The following ASPH variants were observed in gnomAD, a reference collection of about 807,000 sequenced individuals.
The protein encoded by ASPH is aspartate beta-hydroxylase, also known as aspartyl/asparaginyl beta-hydroxylase.
In ASPH, 100 loss-of-function variants were observed where a neutral mutation model predicts 118.4. The ratio of observed to expected loss-of-function variants is 0.84; its 90% CI spans 0.72 to 1.00. The LOEUF is 1.00. Among genes scored for constraint, ASPH ranks in the 50% least tolerant of loss-of-function variants. The pLI, the probability that ASPH is intolerant of heterozygous loss-of-function variation, is 0.00. For missense variants in ASPH, 920 were observed against 919.5 expected (o/e 1.00, Z -0.01); for synonymous variants, 315 against 325.6 (o/e 0.97, Z 0.35).
At chr8:61,508,455 A>G (rs1025041622) in intron 24 of ASPH, among the ~76,000 whole-genome samples, 2 of 152,346 alleles carry the variant, frequency 1.3e-5, no homozygotes, top group African/African-American at 4.8e-5. Context: ...AAATAATGAT[A>G]ATGATAAAAT....
At position 61,653,593 on chromosome 8, in the gene ASPH, G is replaced by A. The variant is rs575705988; in HGVS notation, c.390C>T (p.Pro130=). Residue 130 remains proline, a synonymous_variant, in exon 4 of 25, where the codon CCC becomes CCT. Transcript: ENST00000379454. Reference sequence around the variant, plus strand: ...CTGCCTCCACAGGAACCTGCTCCTCGGGCTCAGTGTGTGGCTCAGCCTCTT... The same window carrying A: ...CTGCCTCCACAGGAACCTGCTCCTCAGGCTCAGTGTGTGGCTCAGCCTCTT... ...PPEEAEPHTE[P]EEQVPVEAEP... The A allele has an allele frequency of 9.0e-5, 146 of 1,613,866 alleles. No individual in the cohort carries two copies. The highest frequency in any genetic ancestry group is 1.2e-4 in the African/African-American group (9 of 75,008).
chr8:61,587,379 A>G (rs181817746), intron 14 of ASPH, among the ~76,000 whole-genome samples: 75 of 152,290 alleles, frequency 4.9e-4, no homozygotes, highest in African/African-American at 1.8e-3. Context: ...ATGTCTCCCA[A>G]TTGTTCATTT....
At chr8:61,529,875 G>A (rs1195295864) in intron 21 of ASPH, among the ~76,000 whole-genome samples, 1 of 152,070 alleles carries the variant, frequency 6.6e-6, no homozygotes, top group East Asian at 1.9e-4. Context: ...CTTTTGTAAG[G>A]GCACTAATCT....
At chr8:61,534,801 C>A (rs183856815) in intron 21 of ASPH, among the ~76,000 whole-genome samples, 1 of 152,224 alleles carries the variant, frequency 6.6e-6, no homozygotes. Context: ...ACGGGATTTA[C>A]GAAGGAAAGT....
intron 3 of ASPH, among the ~76,000 whole-genome samples, chr8:61,666,242 G>A (rs967064860): frequency 1.3e-5 from 2 of 152,090 alleles, no homozygotes; most frequent in African/African-American, 4.8e-5. Context: ...ATGTTTCCCT[G>A]TTAATTCATG....
At chr8:61,626,475 C>G (rs1047089339) in intron 13 of ASPH, among the ~76,000 whole-genome samples, 1 of 152,024 alleles carries the variant, frequency 6.6e-6, no homozygotes, top group African/African-American at 2.4e-5. Flanking sequence ...TGCAAAGCTG[C>G]TGATGAAAAT....
At chr8:61,546,783 TATAG>T in intron 21 of ASPH, among the ~76,000 whole-genome samples, 1 of 152,332 alleles carries the variant, frequency 6.6e-6, no homozygotes, top group Non-Finnish European at 1.5e-5. Context: ...TTGTAAGTCT[TATAG>T]ATACAGTTTA....
intron 3 of ASPH, chr8:61,668,303 G>T: frequency 6.4e-7 from 1 of 1,571,378 alleles, no homozygotes; most frequent in Non-Finnish European, 8.7e-7. Context: ...ATGAAAATAG[G>T]TTATAAACAG....
intron 13 of ASPH, among the ~76,000 whole-genome samples, chr8:61,628,032 T>A (rs979809196): frequency 1.2e-4 from 18 of 152,110 alleles, no homozygotes; most frequent in Non-Finnish European, 2.5e-4. Context: ...ATTTTTGGCT[T>A]AGCCTACGGT....
chr8:61,577,399 CAAAAAAAAA>C (rs775523503), intron 15 of ASPH, among the ~76,000 whole-genome samples: 3 of 23,290 alleles, frequency 1.3e-4, no homozygotes, highest in Admixed American at 6.9e-4. Flanking sequence ...CCCAATCTCG[CAAAAAAAAA>C]AAAAAAAAAA....
At chr8:61,551,211 T>G (rs1169240145) in intron 20 of ASPH, among the ~76,000 whole-genome samples, 1 of 152,196 alleles carries the variant, frequency 6.6e-6, no homozygotes, top group African/African-American at 2.4e-5. Flanking sequence ...CTGCCCATAC[T>G]AAACGGACCA....
intron 6 of ASPH, among the ~76,000 whole-genome samples, chr8:61,645,856 T>C (rs1477985018): frequency 3.9e-5 from 6 of 152,188 alleles, no homozygotes; most frequent in African/African-American, 1.2e-4. Flanking sequence ...TTGTGCAAAG[T>C]AGATAAACTA....
At chr8:61,554,782 C>T (rs1827259487) in intron 19 of ASPH, among the ~76,000 whole-genome samples, 1 of 152,130 alleles carries the variant, frequency 6.6e-6, no homozygotes, top group Admixed American at 6.5e-5. Flanking sequence ...CTGTCGCTCA[C>T]GCTGGAGGGC....
intron 10 of ASPH, among the ~76,000 whole-genome samples, chr8:61,641,867 A>G (rs1805287385): frequency 6.6e-6 from 1 of 152,212 alleles, no homozygotes; most frequent in Non-Finnish European, 1.5e-5. Context: ...CTTGCTTTAC[A>G]CATAAAGTTA....
rs1170830448 is a variant in ASPH, at chr8:61,600,325, AAAGGTGTTTACT to A, written c.977-16308_977-16297del. ...TTTCCTCTAAGAACTGAAATAAGAAAAAGGTGTTTACTTTCACTGCTCTTGTTTAACATAGTA... is the reference window on the plus strand; with the variant it reads ...TTTCCTCTAAGAACTGAAATAAGAAATTCACTGCTCTTGTTTAACATAGTA... On this transcript the variant is annotated intron_variant, in intron 14 of 24. Transcript: ENST00000379454. Among the ~76,000 whole-genome samples, 354 of 147,654 alleles carry A rather than the reference AAAGGTGTTTACT, an allele frequency of 2.4e-3. 1 individual carries two copies. Among genetic ancestry groups the A allele is most frequent in the African/African-American group, 8.9e-3 (332 of 37,230 alleles).
intron 3 of ASPH, chr8:61,658,247 G>C (rs1422096576): frequency 6.6e-6 from 1 of 152,186 alleles, no homozygotes; most frequent in Non-Finnish European, 1.5e-5. Flanking sequence ...GGTACTCAAA[G>C]CTGCCCCATG....
intron 3 of ASPH, among the ~76,000 whole-genome samples, chr8:61,662,216 T>C (rs1198817519): frequency 6.6e-6 from 1 of 152,212 alleles, no homozygotes; most frequent in Non-Finnish European, 1.5e-5. Flanking sequence ...ATGTGAAATG[T>C]TATCTTTTTC....
chr8:61,702,280 CTTTTTTTTTTTT>C (rs71257379), intron 1 of ASPH, among the ~76,000 whole-genome samples: 6 of 123,376 alleles, frequency 4.9e-5, no homozygotes, highest in East Asian at 2.5e-4. Context: ...ATAGCTACTT[CTTTTTTTTTTTT>C]TTTTTTTTTT....
intron 21 of ASPH, among the ~76,000 whole-genome samples, chr8:61,541,035 G>T (rs1398107038): frequency 1.3e-5 from 2 of 152,094 alleles, no homozygotes; most frequent in African/African-American, 4.8e-5. Flanking sequence ...CGAGGTGGGC[G>T]GATCACGAGG....
Sources: allele counts gnomAD v4.1 joint callset (sites outside exome capture counted in the v4.1 genomes callset), GRCh38; gene constraint gnomAD v4.1.1; transcripts MANE v1.5; gene names NCBI Gene and HGNC (gene_info 2026-07-23, HGNC 2026-07-21).